The following CKAP5 variants were observed in gnomAD, a reference collection of about 807,000 sequenced individuals.
CKAP5 encodes the protein cytoskeleton associated protein 5, also known as cytoskeleton-associated protein 5.
In CKAP5, 27 loss-of-function variants were observed where a neutral mutation model predicts 232.8. The ratio of observed to expected loss-of-function variants is 0.12; its 90% CI spans 0.09 to 0.16. The LOEUF (loss-of-function observed/expected upper bound fraction) is 0.16. CKAP5 is among the 10% of genes least tolerant of loss of function. The probability of loss-of-function intolerance (pLI) is 1.00; values close to 1 mark genes in which losing one functional copy is unlikely to be tolerated. For missense variants in CKAP5, 1,838 were observed against 2,424.7 expected, an observed-to-expected ratio of 0.76 and a Z score of 5.08; for synonymous variants, 785 against 841.1, an observed-to-expected ratio of 0.93 and a Z score of 1.16.
chr11:46,830,258 G>A (rs139121284), intron 1 of CKAP5, among the ~76,000 whole-genome samples: 222 of 151,862 alleles, frequency 1.5e-3, no homozygotes, highest in African/African-American at 5.0e-3. Context: ...TGGCTAACAC[G>A]GTGAAACCCC....
chr11:46,756,879 C>T (rs550216395), intron 35 of CKAP5, among the ~76,000 whole-genome samples: 3 of 151,806 alleles, frequency 2.0e-5, no homozygotes, highest in South Asian at 2.1e-4. Context: ...CCTCAGCCTC[C>T]GGAGTAGCTG....
chr11:46,771,529 A>C (rs2065247919), intron 24 of CKAP5, among the ~76,000 whole-genome samples: 1 of 152,040 alleles, frequency 6.6e-6, no homozygotes, highest in Non-Finnish European at 1.5e-5. Context: ...AATTCCTTGG[A>C]GATTTATCTG....
chr11:46,786,803 G>C (rs1252748137), intron 16 of CKAP5, among the ~76,000 whole-genome samples: 1 of 152,084 alleles, frequency 6.6e-6, no homozygotes, highest in African/African-American at 2.4e-5. Context: ...TCTCTGGCAT[G>C]ACCCAGCGCG....
intron 37 of CKAP5, chr11:46,753,043 A>T: frequency 2.2e-6 from 1 of 445,246 alleles, no homozygotes; most frequent in Non-Finnish European, 3.9e-6. Context: ...TTGGCTGGCT[A>T]ACTAAGTATT....
At chr11:46,829,537 T>C (rs1050019438) in intron 1 of CKAP5, among the ~76,000 whole-genome samples, 16 of 152,184 alleles carry the variant, frequency 1.1e-4, no homozygotes, top group African/African-American at 3.4e-4. Context: ...AAAATATTTT[T>C]CCTCCTTCTG....
Position 46,767,677 on chromosome 11 carries a change from AATAT to A in CKAP5, c.3323-18_3323-15del. The A allele has an allele frequency of 6.6e-7, 1 of 1,524,392 alleles. No individual in the cohort carries two copies. Among genetic ancestry groups the A allele is most frequent in the Non-Finnish European group, 9.0e-7 (1 of 1,105,188 alleles). 94.4% of individuals were successfully genotyped at this position (1,524,392 alleles called of 1,614,324 possible). On this transcript the variant is annotated splice_polypyrimidine_tract_variant and intron_variant, in intron 26 of 43. Coordinates refer to ENST00000529230, the MANE Select transcript of CKAP5 (RefSeq NM_001008938.4). ...CTTCAGCAGGTGCTTTGAGGAAAAA[AATAT>A]ATATATACTATAAACTTTAACTAAT...
Position 46,796,816 on chromosome 11 carries a change from T to A in CKAP5, c.1463A>T (p.Asp488Val). The change falls in exon 12 of 44, where the codon GAT becomes GTT. Residue 488 changes from aspartate (D) to valine (V), a missense_variant. Asp to Val is a radical substitution (Grantham distance 152). Coordinates refer to ENST00000529230, the MANE Select transcript of CKAP5 (RefSeq NM_001008938.4). Reference protein sequence around the residue: ...FLADVDKLKLDKIKECSEKVE... With the variant: ...FLADVDKLKLVKIKECSEKVE... ...TCCAATCCATTACTAACCTACCTTATCAAGCTTGAGTTTGTCCACATCAGC... is the reference window on the plus strand; with the variant it reads ...TCCAATCCATTACTAACCTACCTTAACAAGCTTGAGTTTGTCCACATCAGC... 1 of 1,613,826 alleles carries A rather than the reference T, an allele frequency of 6.2e-7. No individual in the cohort carries two copies. Among genetic ancestry groups the A allele is most frequent in the Non-Finnish European group, 8.5e-7 (1 of 1,179,788 alleles).
intron 16 of CKAP5, 86 bp from the exon 17 acceptor site, chr11:46,784,759 AC>A: frequency 1.0e-6 from 1 of 967,486 alleles, no homozygotes. Flanking sequence ...AACAGATATG[AC>A]ATGGTTAGGG....
intron 27 of CKAP5, among the ~76,000 whole-genome samples, chr11:46,765,889 CA>C (rs2065198978): frequency 6.6e-6 from 1 of 152,208 alleles, no homozygotes; most frequent in Non-Finnish European, 1.5e-5. Flanking sequence ...GGCATTTACA[CA>C]TTTCCAAACA....
At chr11:46,764,596 A>T (rs2065186646) in intron 28 of CKAP5, among the ~76,000 whole-genome samples, 1 of 152,254 alleles carries the variant, frequency 6.6e-6, no homozygotes, top group Non-Finnish European at 1.5e-5. Flanking sequence ...TAGTAGAGGT[A>T]TAAAATATTT....
chr11:46,793,435 C>T (rs911961454), intron 13 of CKAP5, among the ~76,000 whole-genome samples: 1 of 152,130 alleles, frequency 6.6e-6, no homozygotes, highest in Non-Finnish European at 1.5e-5. Context: ...AAAAGAATGC[C>T]GTAATTGCCA....
intron 16 of CKAP5, among the ~76,000 whole-genome samples, chr11:46,786,317 T>C (rs2065392698): frequency 6.6e-6 from 1 of 152,196 alleles, no homozygotes; most frequent in Admixed American, 6.5e-5. Flanking sequence ...CTTGTAACCA[T>C]GGCAACTATG....
chr11:46,799,295 C>T (rs992918857), intron 9 of CKAP5, among the ~76,000 whole-genome samples: 8 of 152,064 alleles, frequency 5.3e-5, no homozygotes, highest in African/African-American at 1.9e-4. Flanking sequence ...CCAAAGGACA[C>T]AGCAAAGCTC....
At chr11:46,784,799 C>T in intron 16 of CKAP5, 126 bp from the exon 17 acceptor site, 2 of 612,714 alleles carry the variant, frequency 3.3e-6, no homozygotes, top group East Asian at 2.8e-5. Context: ...AAAGTAAAAT[C>T]AGGATTTTAA....
chr11:46,793,860 G>A (rs1938802536), intron 13 of CKAP5, among the ~76,000 whole-genome samples: 1 of 152,076 alleles, frequency 6.6e-6, no homozygotes, highest in South Asian at 2.1e-4. Flanking sequence ...CTAGGGGGTG[G>A]AGGTTGCAGT....
At position 46,743,338 on chromosome 11, in the gene CKAP5, G is replaced by A. The variant is rs2064998729; in HGVS notation, c.*685C>T. 1 of 152,126 alleles carries A rather than the reference G, an allele frequency of 6.6e-6. No homozygotes were observed. Among genetic ancestry groups the A allele is most frequent in the African/African-American group, 2.4e-5 (1 of 41,432 alleles). The allele number at this position is 152,126 out of a possible 1,614,324, so 9.4% of individuals were successfully genotyped here. A position where few individuals can be genotyped will look rare whatever the true frequency, so the allele number is the denominator to read the frequency against. ...AGGATGAGATTTTTCTGCTCCCTAG[G>A]AGCTGTTTGTGGAGAGCAGGGAAGG... On this transcript the variant is annotated 3_prime_UTR_variant, in exon 44 of 44. Coordinates refer to ENST00000529230, the MANE Select transcript of CKAP5 (RefSeq NM_001008938.4).
chr11:46,831,261 CTTTA>C (rs1165938352), intron 1 of CKAP5, among the ~76,000 whole-genome samples: 1 of 151,626 alleles, frequency 6.6e-6, no homozygotes, highest in Non-Finnish European at 1.5e-5. Context: ...TTTACTTTTT[CTTTA>C]TTTAACTCCC....
At chr11:46,776,482 C>A (rs2065292356) in intron 23 of CKAP5, 99 bp from the exon 24 acceptor site, 3 of 882,282 alleles carry the variant, frequency 3.4e-6, no homozygotes, top group Non-Finnish European at 4.9e-6. Flanking sequence ...GGAGGGTTAT[C>A]TAAGGCCCAC....
At chr11:46,767,441 T>C in intron 27 of CKAP5, 134 bp downstream of exon 27, 1 of 532,120 alleles carries the variant, frequency 1.9e-6, no homozygotes, top group South Asian at 3.7e-5. Context: ...CACAGAAATT[T>C]GTATAAATAA....
Sources: gnomAD v4.1 joint callset for allele counts (sites outside exome capture counted in the v4.1 genomes callset) on GRCh38, gnomAD v4.1.1 for gene constraint, MANE v1.5 for transcripts, NCBI Gene and HGNC (gene_info 2026-07-23, HGNC 2026-07-21) for gene names.